ANLN: variants seen among roughly 807,000 people sequenced by gnomAD.
ANLN encodes the protein anillin, actin binding protein, also known as anillin.
In ANLN, 59 loss-of-function variants were observed where a neutral mutation model predicts 135.1. That is an observed-to-expected ratio of 0.44 (90% CI 0.35 to 0.54). The LOEUF (loss-of-function observed/expected upper bound fraction) is 0.54, where lower values mean the gene tolerates loss of function less well. ANLN is among the 20% of genes least tolerant of loss of function. The pLI, the probability that ANLN is intolerant of heterozygous loss-of-function variation, is 0.00. For missense variants in ANLN, 1,182 were observed against 1,340.0 expected (o/e 0.88, Z 1.84); for synonymous variants, 406 against 456.4 (o/e 0.89, Z 1.41).
chr7:36,448,811 C>T (rs1789121285), intron 22 of ANLN: 1 of 152,124 alleles, frequency 6.6e-6, no homozygotes, highest in South Asian at 2.1e-4. Flanking sequence ...ATATTAGAAT[C>T]TGTGTGTGCA....
intron 17 of ANLN, among the ~76,000 whole-genome samples, 165 bp from the exon 18 acceptor site, chr7:36,425,537 G>T (rs906342001): frequency 6.6e-6 from 1 of 151,918 alleles, no homozygotes; most frequent in Non-Finnish European, 1.5e-5. Context: ...CTCATGATCC[G>T]CCCGCCTCAG....
At chr7:36,417,781 G>A (rs531896801) in intron 9 of ANLN, among the ~76,000 whole-genome samples, 79 of 148,480 alleles carry the variant, frequency 5.3e-4, no homozygotes, top group Middle Eastern at 3.6e-3. Context: ...AGGTTCAAGC[G>A]ATTCTTCTGC....
chr7:36,429,677 A>G (rs1562810986), intron 20 of ANLN, among the ~76,000 whole-genome samples: 1 of 152,154 alleles, frequency 6.6e-6, no homozygotes, highest in Non-Finnish European at 1.5e-5. Context: ...GATTTTACGA[A>G]CTGTGTTTTT....
intron 20 of ANLN, among the ~76,000 whole-genome samples, 161 bp downstream of exon 20, chr7:36,427,189 G>GTTTTTTTT (rs34986676): frequency 7.8e-6 from 1 of 128,498 alleles, no homozygotes; most frequent in Non-Finnish European, 1.7e-5. Context: ...GTACCTAAAT[G>GTTTTTTTT]TTTTTTTTTT....
At chr7:36,412,327 ATTTTTT>A (rs1554343030) in intron 7 of ANLN, among the ~76,000 whole-genome samples, 5 of 94,808 alleles carry the variant, frequency 5.3e-5, no homozygotes, top group Middle Eastern at 7.4e-3. Flanking sequence ...ATATATATAT[ATTTTTT>A]TTTTTTTTTT....
At chr7:36,408,160 A>C (rs79597105) in intron 5 of ANLN, among the ~76,000 whole-genome samples, 367 of 152,334 alleles carry the variant, frequency 2.4e-3, no homozygotes, top group Non-Finnish European at 3.5e-3. Flanking sequence ...AGGACTTAAT[A>C]TGTTACATTT....
intron 14 of ANLN, 99 bp from the exon 15 acceptor site, chr7:36,423,718 T>G: frequency 8.9e-7 from 1 of 1,121,794 alleles, no homozygotes; most frequent in Non-Finnish European, 1.2e-6. Context: ...TGTATATAAA[T>G]CAGTTCAATA....
intron 6 of ANLN, 21 bp downstream of exon 6, chr7:36,410,725 C>T (rs987221262): frequency 6.2e-7 from 1 of 1,600,982 alleles, no homozygotes; most frequent in African/African-American, 1.3e-5. Flanking sequence ...CTGCATTTAA[C>T]ATTATTCATC....
chr7:36,440,077 G>C (rs942868746), intron 21 of ANLN, among the ~76,000 whole-genome samples: 1 of 152,164 alleles, frequency 6.6e-6, no homozygotes, highest in African/African-American at 2.4e-5. Context: ...TAAGTTTTAC[G>C]TGATTTGAAT....
chr7:36,447,417 C>CTTTTTTTTT (rs978030270), intron 22 of ANLN, among the ~76,000 whole-genome samples: 3 of 105,868 alleles, frequency 2.8e-5, no homozygotes, highest in Non-Finnish European at 5.5e-5. Context: ...AGCAGTTGAT[C>CTTTTTTTTT]TTTTTTTTTT....
At chr7:36,436,708 T>C (rs1338118471) in intron 20 of ANLN, among the ~76,000 whole-genome samples, 1 of 152,242 alleles carries the variant, frequency 6.6e-6, no homozygotes, top group Non-Finnish European at 1.5e-5. Context: ...ACTTCCCTAA[T>C]GACTGTTGAT....
At chr7:36,394,897 T>C (rs1786633341) in intron 1 of ANLN, among the ~76,000 whole-genome samples, 1 of 152,164 alleles carries the variant, frequency 6.6e-6, no homozygotes, top group Non-Finnish European at 1.5e-5. Flanking sequence ...GACTTAAAAA[T>C]AGGAACATCA....
chr7:36,434,922 C>A (rs926754692), intron 20 of ANLN, among the ~76,000 whole-genome samples: 5 of 152,048 alleles, frequency 3.3e-5, no homozygotes, highest in Admixed American at 1.3e-4. Flanking sequence ...TGAAAAATCA[C>A]CTATAGCAAC....
At chr7:36,419,585 G>A in intron 10 of ANLN, 106 bp downstream of exon 10, 1 of 919,178 alleles carries the variant, frequency 1.1e-6, no homozygotes, top group South Asian at 1.7e-5. Context: ...AGTAGCCAAG[G>A]GAATTTTGCA....
At chr7:36,395,186 AG>A (rs2116500915) in intron 1 of ANLN, among the ~76,000 whole-genome samples, 1 of 152,300 alleles carries the variant, frequency 6.6e-6, no homozygotes, top group Non-Finnish European at 1.5e-5. Context: ...ATTATTTTAC[AG>A]TTCTTTAGAG....
intron 8 of ANLN, among the ~76,000 whole-genome samples, chr7:36,416,560 C>T (rs575501829): frequency 3.3e-5 from 5 of 152,162 alleles, no homozygotes; most frequent in African/African-American, 1.2e-4. Flanking sequence ...GCCTTTGTTA[C>T]GTTGTGTACC....
chr7:36,405,930 T>TG (rs200611178), intron 3 of ANLN, among the ~76,000 whole-genome samples: 1,765 of 152,326 alleles, frequency 0.012, 35 homozygotes, highest in African/African-American at 0.041. Context: ...TAACCTATCT[T>TG]ATTCATGATC....
chr7:36,392,286 G>A (rs551993817), intron 1 of ANLN, among the ~76,000 whole-genome samples: 28 of 152,136 alleles, frequency 1.8e-4, no homozygotes, highest in African/African-American at 5.5e-4. Flanking sequence ...ATTAAATGAA[G>A]TTCCCTGGGG....
At chr7:36,414,614 TAGG>T (rs1240200784) in intron 7 of ANLN, among the ~76,000 whole-genome samples, 1 of 152,152 alleles carries the variant, frequency 6.6e-6, no homozygotes, top group Admixed American at 6.6e-5. Context: ...ATAGGAAGAA[TAGG>T]GGGTAGTATT....
Sources: allele counts gnomAD v4.1 joint callset (sites outside exome capture counted in the v4.1 genomes callset), GRCh38; gene constraint gnomAD v4.1.1; transcripts MANE v1.5; gene names NCBI Gene and HGNC (gene_info 2026-07-23, HGNC 2026-07-21).